The following PID1 variants were observed in gnomAD, a reference collection of about 807,000 sequenced individuals.
PID1 encodes phosphotyrosine interaction domain containing 1.
A neutral mutation model predicts 19.1 loss-of-function variants in PID1; 10 were observed. That is an observed-to-expected ratio of 0.52 (90% CI 0.32 to 0.89). The LOEUF is 0.89. PID1 is among the 40% of genes least tolerant of loss of function. The pLI is 0.03. For missense variants in PID1, 248 were observed against 285.3 expected, an observed-to-expected ratio of 0.87 and a Z score of 0.94; for synonymous variants, 130 against 116.0, an observed-to-expected ratio of 1.12 and a Z score of -0.78.
chr2:229,204,854 T>C (rs1691574999), intron 1 of PID1, among the ~76,000 whole-genome samples: 1 of 152,158 alleles, frequency 6.6e-6, no homozygotes, highest in African/African-American at 2.4e-5. Flanking sequence ...TATTTTTTCC[T>C]GATTATCCAG....
intron 2 of PID1, among the ~76,000 whole-genome samples, chr2:229,132,709 A>C (rs147310092): frequency 8.3e-4 from 127 of 152,368 alleles, no homozygotes; most frequent in African/African-American, 2.8e-3. Flanking sequence ...ATTCCAATGA[A>C]GAGATTCACC....
At chr2:229,065,716 A>AG (rs1007063168) in intron 2 of PID1, among the ~76,000 whole-genome samples, 9 of 149,766 alleles carry the variant, frequency 6.0e-5, no homozygotes, top group Admixed American at 2.0e-4. Flanking sequence ...GATTTACAAA[A>AG]AAAAAAAAAA....
intron 2 of PID1, among the ~76,000 whole-genome samples, chr2:229,068,444 CAA>C (rs5839295): frequency 1.2e-4 from 18 of 151,778 alleles, no homozygotes; most frequent in Admixed American, 9.9e-4. Context: ...TTGTCTTCAA[CAA>C]AAAAAAAAGG....
At chr2:229,147,458 A>G (rs1199327141) in intron 2 of PID1, among the ~76,000 whole-genome samples, 1 of 152,082 alleles carries the variant, frequency 6.6e-6, no homozygotes, top group Non-Finnish European at 1.5e-5. Flanking sequence ...GATCACTTCT[A>G]TTCATATTTT....
intron 1 of PID1, among the ~76,000 whole-genome samples, chr2:229,267,137 G>A (rs924607897): frequency 1.3e-5 from 2 of 152,204 alleles, no homozygotes; most frequent in African/African-American, 2.4e-5. Context: ...TCCCCAAATA[G>A]TATTTAGCTG....
At chr2:229,080,429 T>G (rs763904752) in intron 2 of PID1, among the ~76,000 whole-genome samples, 4 of 152,120 alleles carry the variant, frequency 2.6e-5, no homozygotes, top group Non-Finnish European at 5.9e-5. Flanking sequence ...CCAACACCCA[T>G]CCTAGCTTCC....
chr2:229,136,795 G>T (rs765585107), intron 2 of PID1, among the ~76,000 whole-genome samples: 23 of 151,978 alleles, frequency 1.5e-4, no homozygotes, highest in Admixed American at 7.9e-4. Context: ...GAAATTCTCT[G>T]CCCTCCTTTA....
At chr2:229,135,505 G>A (rs1345402799) in intron 2 of PID1, among the ~76,000 whole-genome samples, 2 of 152,200 alleles carry the variant, frequency 1.3e-5, no homozygotes, top group East Asian at 1.9e-4. Context: ...TGTGAAGTGA[G>A]AGCTATGGGG....
chr2:229,042,059 G>T (rs1044688572), intron 2 of PID1, among the ~76,000 whole-genome samples: 18 of 152,152 alleles, frequency 1.2e-4, no homozygotes, highest in African/African-American at 4.3e-4. Flanking sequence ...TTTGATAACT[G>T]TCCTGTGGAT....
chr2:229,066,681 A>G (rs941494653), intron 2 of PID1, among the ~76,000 whole-genome samples: 2 of 151,936 alleles, frequency 1.3e-5, no homozygotes, highest in Non-Finnish European at 2.9e-5. Context: ...GATATTTGAA[A>G]GGAGCAAGTT....
At chr2:229,044,208 G>A (rs1160091416) in intron 2 of PID1, among the ~76,000 whole-genome samples, 1 of 152,008 alleles carries the variant, frequency 6.6e-6, no homozygotes, top group Non-Finnish European at 1.5e-5. Flanking sequence ...TTGGGCTGGT[G>A]TACCTGGGTG....
intron 1 of PID1, among the ~76,000 whole-genome samples, chr2:229,234,158 T>C (rs975134402): frequency 2.0e-5 from 3 of 152,070 alleles, no homozygotes; most frequent in Admixed American, 6.5e-5. Flanking sequence ...ATTAGAGACA[T>C]TGAGCCAAAA....
chr2:229,085,785 T>A (rs957919090), intron 2 of PID1, among the ~76,000 whole-genome samples: 4 of 152,070 alleles, frequency 2.6e-5, no homozygotes, highest in African/African-American at 9.7e-5. Context: ...TTTCAGCTGA[T>A]CTGCATCATA....
At chr2:229,139,452 C>T (rs1464400993) in intron 2 of PID1, among the ~76,000 whole-genome samples, 1 of 152,152 alleles carries the variant, frequency 6.6e-6, no homozygotes, top group Non-Finnish European at 1.5e-5. Context: ...TTCCATATTT[C>T]ACACAGTGCT....
At chr2:229,144,736 A>T (rs763055226) in intron 2 of PID1, among the ~76,000 whole-genome samples, 49 of 152,170 alleles carry the variant, frequency 3.2e-4, no homozygotes, top group Non-Finnish European at 4.9e-4. Flanking sequence ...GGTAAACACA[A>T]GAAGAAACTG....
intron 1 of PID1, among the ~76,000 whole-genome samples, chr2:229,244,459 T>C (rs1039988200): frequency 1.3e-5 from 2 of 152,146 alleles, no homozygotes; most frequent in African/African-American, 4.8e-5. Flanking sequence ...TTCATGACCC[T>C]ATTTTCCAAA....
chr2:229,225,023 T>C (rs1692048781), intron 1 of PID1, among the ~76,000 whole-genome samples: 1 of 152,154 alleles, frequency 6.6e-6, no homozygotes, highest in Admixed American at 6.6e-5. Flanking sequence ...GGGGTATTCT[T>C]CCCATTACTA....
At chr2:229,202,666 G>T (rs1691523919) in intron 1 of PID1, among the ~76,000 whole-genome samples, 1 of 151,974 alleles carries the variant, frequency 6.6e-6, no homozygotes, top group Non-Finnish European at 1.5e-5. Flanking sequence ...CTGTCACCTG[G>T]TCATCAACTA....
chr2:229,221,577 C>T (rs1032735094), intron 1 of PID1, among the ~76,000 whole-genome samples: 11 of 152,180 alleles, frequency 7.2e-5, no homozygotes, highest in East Asian at 1.9e-4. Context: ...ATTTCCCCCA[C>T]GGTACTGCCC....
Sources: allele counts gnomAD v4.1 joint callset (sites outside exome capture counted in the v4.1 genomes callset), GRCh38; gene constraint gnomAD v4.1.1; transcripts MANE v1.5; gene names NCBI Gene and HGNC (gene_info 2026-07-23, HGNC 2026-07-21).